CHPF: variants seen among roughly 807,000 people sequenced by gnomAD.
The protein encoded by CHPF is chondroitin polymerizing factor.
In CHPF, 34 loss-of-function variants were observed where a neutral mutation model predicts 55.1. The observed-to-expected ratio is 0.62, with a 90% CI of 0.47 to 0.82. The LOEUF (loss-of-function observed/expected upper bound fraction) is 0.82. Ranked by LOEUF, CHPF falls within the 40% of genes least tolerant of loss-of-function variation. The probability of loss-of-function intolerance (pLI) is 0.00; values close to 1 mark genes in which losing one functional copy is unlikely to be tolerated. For synonymous variants in CHPF, 489 were observed against 496.6 expected (o/e 0.98, Z 0.20); for missense variants, 961 against 1,106.1 (o/e 0.87, Z 1.86).
At chr2:219,541,340 G>A (rs1695265473) in intron 2 of CHPF, 1 of 571,668 alleles carries the variant, frequency 1.7e-6, no homozygotes, top group Non-Finnish European at 3.0e-6. Context: ...AGCTGTCCAA[G>A]GGCTAAAATA....
At position 219,543,592 on chromosome 2, in the gene CHPF, A is replaced by G. The variant is rs774128038; in HGVS notation, c.-54T>C. 7.9e-7 allele frequency: 1 copy of G among 1,272,358 alleles called. No homozygotes were observed. Among genetic ancestry groups the G allele is most frequent in the Non-Finnish European group, 1.0e-6 (1 of 1,001,704 alleles). The allele number at this position is 1,272,358 out of a possible 1,614,324, so 78.8% of individuals were successfully genotyped here. On this transcript the variant is annotated 5_prime_UTR_variant, in exon 1 of 4. Coordinates refer to ENST00000243776, the MANE Select transcript of CHPF (RefSeq NM_024536.6). ...GGCGAACCCCCAGAGCAGCCAGAGGAGTCTCCGAGGGGGCGGGACCGGGGA... is the reference window on the plus strand; with the variant it reads ...GGCGAACCCCCAGAGCAGCCAGAGGGGTCTCCGAGGGGGCGGGACCGGGGA...
At position 219,539,343 on chromosome 2, in the gene CHPF, G is replaced by A. The variant is rs1356477904; in HGVS notation, c.*40C>T. 2.6e-6 allele frequency: 4 copies of A among 1,537,964 alleles called. No individual in the cohort carries two copies. Among genetic ancestry groups the A allele is most frequent in the South Asian group, 2.5e-5 (2 of 81,436 alleles). Reference sequence around the variant, plus strand: ...TCTGGTTTTGGGGGAGAAGTGGGGTGGGGTGTGGCCATGCCACGGCCCACG... The same window carrying A: ...TCTGGTTTTGGGGGAGAAGTGGGGTAGGGTGTGGCCATGCCACGGCCCACG... On this transcript the variant is annotated 3_prime_UTR_variant, in exon 4 of 4. Transcript: ENST00000243776.
At position 219,541,128 on chromosome 2, in the gene CHPF, G is replaced by T; in HGVS notation, c.889-3C>A. On this transcript the variant is annotated splice_region_variant and splice_polypyrimidine_tract_variant and intron_variant, in intron 2 of 3. Coordinates refer to ENST00000243776, the MANE Select transcript of CHPF (RefSeq NM_024536.6). Reference sequence around the variant, plus strand: ...TCCAGATGGCTATAGTGCACCCCCTGGGGAGAGGAAGGGAAGGGATCTGTG... The same window carrying T: ...TCCAGATGGCTATAGTGCACCCCCTTGGGAGAGGAAGGGAAGGGATCTGTG... 1 of 1,582,302 alleles carries T rather than the reference G, an allele frequency of 6.3e-7. No homozygotes were observed. Among genetic ancestry groups the T allele is most frequent in the Non-Finnish European group, 8.6e-7 (1 of 1,166,570 alleles).
rs1228916914 is a variant in CHPF, at chr2:219,541,882, C to G, written c.622G>C (p.Gly208Arg). The G allele has an allele frequency of 6.2e-7, 1 of 1,613,252 alleles. No individual in the cohort carries two copies. The highest frequency in any genetic ancestry group is 1.1e-5 in the South Asian group (1 of 91,048). ...VPDTTYTEAHGLARLTGHLSL... is the reference protein window; with the variant it reads ...VPDTTYTEAHRLARLTGHLSL... ...AGGTGGCCAGTTAGGCGTGCCAGGC[C>G]GTGCGCCTCGGTGTAGGTGGTGTCA... Residue 208 changes from glycine (G) to arginine (R), a missense_variant, in exon 2 of 4, where the codon GGC becomes CGC. Gly to Arg is a moderately radical substitution (Grantham distance 125). Around this residue, in one of 3 missense-constraint regions of CHPF, gnomAD observed 936 missense variants for 1,058.4 expected, o/e 0.88. Transcript: ENST00000243776.
At position 219,541,632 on chromosome 2, in the gene CHPF, C is replaced by A; in HGVS notation, c.872G>T (p.Cys291Phe). The change falls in exon 2 of 4, where the codon TGC becomes TTC. Residue 291 changes from cysteine to phenylalanine, a missense_variant. Around this residue, in one of 3 missense-constraint regions of CHPF, gnomAD observed 936 missense variants for 1,058.4 expected, o/e 0.88. Transcript: ENST00000243776. ...RCILDATGVG[C>F]TGDHEGVHYS... is the part of the protein sequence containing the mutation. ...TCATCCCACCTCGTGGTCACCAGTG[C>A]AGCCCACCCCGGTGGCATCGAGAAT... The A allele has an allele frequency of 6.3e-7, 1 of 1,580,800 alleles. No homozygotes were observed. The highest frequency in any genetic ancestry group is 1.2e-5 in the South Asian group (1 of 86,060).
At chr2:219,542,799 C>T in intron 1 of CHPF, 1 of 500,128 alleles carries the variant, frequency 2.0e-6, no homozygotes, top group Non-Finnish European at 2.6e-6. Flanking sequence ...GAGATAGGTA[C>T]ATTCCTCCCT....
chr2:219,542,393 A>G (rs1415706936), intron 1 of CHPF, among the ~76,000 whole-genome samples: 1 of 152,168 alleles, frequency 6.6e-6, no homozygotes, highest in Non-Finnish European at 1.5e-5. Context: ...TGCATTTGGG[A>G]GATGGCAATA....
chr2:219,543,001 G>A (rs1272061805), intron 1 of CHPF: 2 of 1,323,700 alleles, frequency 1.5e-6, no homozygotes, highest in East Asian at 6.2e-5. Flanking sequence ...GCCGGTTTAG[G>A]ACACAGTCCA....
In CHPF at chr2:219,542,089, G is replaced by T. The variant is rs779474308; in HGVS notation, c.415C>A (p.Arg139Ser). The T allele has an allele frequency of 7.6e-6, 12 of 1,572,892 alleles. No individual in the cohort carries two copies. Among genetic ancestry groups the T allele is most frequent in the Non-Finnish European group, 1.0e-5 (12 of 1,165,392 alleles). Residue 139 changes from arginine (R) to serine (S), a missense_variant, in exon 2 of 4, where the codon CGC (arginine) becomes AGC (serine). This residue lies in a region of CHPF where 936 missense variants were observed against 1,058.4 expected (regional missense o/e 0.88). Transcript: ENST00000243776. ...TLPTLGVAVN[R>S]TLGHRLERVV... ...CGCTCCAGCCGGTGCCCCAGCGTGC[G>T]GTTCACGGCCACGCCCAGCGTGGGC...
Position 219,539,040 on chromosome 2 carries a change from T to C in CHPF, c.*343A>G, listed in dbSNP as rs1180071650. On this transcript the variant is annotated 3_prime_UTR_variant, in exon 4 of 4. Transcript: ENST00000243776. ...GGGAGATGCCCCCTCCTCAGCTCCC[T>C]CCTTCCCCAACAACTCTTCTACAGC... is the stretch of plus-strand genomic sequence containing the variant. 1.9e-5 allele frequency: 5 copies of C among 258,826 alleles called. No individual in the cohort carries two copies. Among genetic ancestry groups the C allele is most frequent in the Non-Finnish European group, 3.7e-5 (5 of 135,970 alleles). 16.0% of individuals were successfully genotyped at this position (258,826 alleles called of 1,614,324 possible).
At position 219,542,203 on chromosome 2, in the gene CHPF, T is replaced by G; in HGVS notation, c.315-14A>C. 4 of 563,790 alleles carry G rather than the reference T, an allele frequency of 7.1e-6. No individual in the cohort carries two copies. Among genetic ancestry groups the G allele is most frequent in the Non-Finnish European group, 8.9e-6 (4 of 447,056 alleles). The allele number at this position is 563,790 out of a possible 1,614,324, so 34.9% of individuals were successfully genotyped here. A position where few individuals can be genotyped will look rare whatever the true frequency, so the allele number is the denominator to read the frequency against. On this transcript the variant is annotated splice_polypyrimidine_tract_variant and intron_variant, in intron 1 of 3. Transcript: ENST00000243776. ...ATGTAGCGGGTCCTAGGGGAGGAGA[T>G]GGCACAAGCTTATCAAAAGGACAAC...
chr2:219,541,495 G>C, intron 2 of CHPF, 121 bp downstream of exon 2: 1 of 777,746 alleles, frequency 1.3e-6, no homozygotes, highest in Non-Finnish European at 2.0e-6. Flanking sequence ...GGGTCACAGA[G>C]ATAGAAAATA....
At position 219,539,916 on chromosome 2, in the gene CHPF, C is replaced by A. The variant is rs769688727; in HGVS notation, c.1795G>T (p.Asp599Tyr). Reference sequence around the variant, plus strand: ...AGCGGGTGCTTCTTGGAGAGTAGATCCATGAGGCGCAGTGGTGAGGGTGCG... The same window carrying A: ...AGCGGGTGCTTCTTGGAGAGTAGATACATGAGGCGCAGTGGTGAGGGTGCG... ...TAAPSPLRLM[D>Y]LLSKKHPLDT... The change falls in exon 4 of 4, where the codon GAT (aspartate) becomes TAT (tyrosine). Residue 599 changes from aspartate to tyrosine, a missense_variant. Transcript: ENST00000243776. 1 of 1,613,740 alleles carries A rather than the reference C, an allele frequency of 6.2e-7. No homozygotes were observed. Among genetic ancestry groups the A allele is most frequent in the East Asian group, 2.2e-5 (1 of 44,884 alleles).
chr2:219,541,839 G>C lies in CHPF; in HGVS notation c.665C>G (p.Ala222Gly), dbSNP rs377204207. 6.8e-6 allele frequency: 11 copies of C among 1,609,574 alleles called. No homozygotes were observed. The African/African-American group carries it at 1.3e-4, about 20-fold the overall frequency. The change falls in exon 2 of 4, where the codon GCC (alanine) becomes GGC (glycine). Residue 222 changes from alanine to glycine, a missense_variant. By Grantham distance (60) the Ala-to-Gly change is moderately conservative. Around this residue, in one of 3 missense-constraint regions of CHPF, gnomAD observed 936 missense variants for 1,058.4 expected, o/e 0.88. Transcript: ENST00000243776. ...CTGGGGCCGGCCCAGGTACAGGTGG[G>C]CGGCGGAGGCCAGGCTGAGGTGGCC... is the stretch of plus-strand genomic sequence containing the variant. Reference protein sequence around the residue: ...LTGHLSLASAAHLYLGRPQDF... With the variant: ...LTGHLSLASAGHLYLGRPQDF...
intron 2 of CHPF, 81 bp from the exon 3 acceptor site, chr2:219,541,206 C>T (rs907676763): frequency 3.0e-6 from 4 of 1,325,766 alleles, no homozygotes; most frequent in Non-Finnish European, 4.0e-6. Context: ...ATCTCCTCAG[C>T]CTATGACCTG....
In CHPF at chr2:219,543,379, C is replaced by T. The variant is rs201072982; in HGVS notation, c.160G>A (p.Gly54Ser). The part of the protein sequence containing the change: ...QPGDSELPPR[G>S]NTNAARRPNS... ...GGCCGGCGCGCCGCGTTGGTGTTGC[C>T]GCGCGGCGGCAGCTCAGAGTCTCCA... Residue 54 changes from glycine (G) to serine (S), a missense_variant, in exon 1 of 4, where the codon GGC becomes AGC. Around this residue, in one of 3 missense-constraint regions of CHPF, gnomAD observed 936 missense variants for 1,058.4 expected, o/e 0.88. Transcript: ENST00000243776. 3 of 1,559,864 alleles carry T rather than the reference C, an allele frequency of 1.9e-6. No individual in the cohort carries two copies. The highest frequency in any genetic ancestry group is 1.4e-5 in the African/African-American group (1 of 70,796).
intron 1 of CHPF, 94 bp downstream of exon 1, chr2:219,543,131 C>A: frequency 7.3e-7 from 1 of 1,371,976 alleles, no homozygotes. Context: ...CTCGCCAGCC[C>A]CTTCCTTCCG....
In CHPF at chr2:219,539,972, G is replaced by A. The variant is rs768573321; in HGVS notation, c.1739C>T (p.Ala580Val). 1 of 1,613,762 alleles carries A rather than the reference G, an allele frequency of 6.2e-7. No homozygotes were observed. The highest frequency in any genetic ancestry group is 8.5e-7 in the Non-Finnish European group (1 of 1,179,970). Residue 580 changes from alanine (A) to valine (V), a missense_variant, in exon 4 of 4, where the codon GCC becomes GTC. By Grantham distance (64) the Ala-to-Val change is moderately conservative. This residue lies in a region of CHPF where 936 missense variants were observed against 1,058.4 expected (regional missense o/e 0.88). Coordinates refer to ENST00000243776, the MANE Select transcript of CHPF (RefSeq NM_024536.6). ...VAELERRFPG[A>V]RVPWLSVQTA... is the part of the protein sequence containing the mutation. ...CTGCACACTGAGCCATGGCACCCGG[G>A]CACCGGGGAAACGCCGCTCCAGCTC...
At position 219,539,931 on chromosome 2, in the gene CHPF, G is replaced by T; in HGVS notation, c.1780C>A (p.Pro594Thr). ...GAGAGTAGATCCATGAGGCGCAGTG[G>T]TGAGGGTGCGGCTGTCTGCACACTG... Reference protein sequence around the residue: ...WLSVQTAAPSPLRLMDLLSKK... With the variant: ...WLSVQTAAPSTLRLMDLLSKK... The change falls in exon 4 of 4, where the codon CCA (proline) becomes ACA (threonine). Residue 594 changes from proline (P) to threonine (T), a missense_variant. Pro to Thr is a conservative substitution (Grantham distance 38). Coordinates refer to ENST00000243776, the MANE Select transcript of CHPF (RefSeq NM_024536.6). 2 of 1,613,778 alleles carry T rather than the reference G, an allele frequency of 1.2e-6. No individual in the cohort carries two copies. Among genetic ancestry groups the T allele is most frequent in the Non-Finnish European group, 1.7e-6 (2 of 1,179,948 alleles).
Sources: gnomAD v4.1 joint callset for allele counts (sites outside exome capture counted in the v4.1 genomes callset) on GRCh38, gnomAD v4.1.1 for gene constraint, gnomAD v4.1.1 regional missense constraint, MANE v1.5 for transcripts, NCBI Gene and HGNC (gene_info 2026-07-23, HGNC 2026-07-21) for gene names.